The following TMCC3 variants were observed in gnomAD, a reference collection of about 807,000 sequenced individuals.
TMCC3 encodes transmembrane and coiled-coil domain family 3, also known as transmembrane and coiled-coil domain protein 3.
TMCC3 carries 28 observed loss-of-function variants against 40.2 expected under a neutral mutation model. That is an observed-to-expected ratio of 0.70 (90% confidence interval 0.52 to 0.95). TMCC3 has a LOEUF of 0.95. Among genes scored for constraint, TMCC3 ranks in the 40% least tolerant of loss-of-function variants. The pLI is 0.00. For synonymous variants in TMCC3, 255 were observed against 248.5 expected (o/e 1.03, Z -0.25); for missense variants, 554 against 615.2 (o/e 0.90, Z 1.05).
At chr12:94,595,171 A>G (rs961353368) in intron 1 of TMCC3, among the ~76,000 whole-genome samples, 29 of 152,162 alleles carry the variant, frequency 1.9e-4, no homozygotes, top group Admixed American at 2.0e-4. Context: ...ACTTTTGGAT[A>G]TTAGCACTAC....
rs1486988921 is a variant in TMCC3, at chr12:94,620,164, G to GA, written c.78+30188dup. Among the ~76,000 whole-genome samples, 20 of 147,814 alleles carry GA rather than the reference G, an allele frequency of 1.4e-4. No homozygotes were observed. The East Asian group carries it at 3.5e-3, about 26-fold the overall frequency. ...GGCAACAAAAGCGAGACTGTCTCAA[G>GA]AAAAAAAAAGAAACATAACATTATT... On this transcript the variant is annotated intron_variant, in intron 1 of 3. Transcript: ENST00000261226.
At chr12:94,581,506 CCACT>C (rs1327369917) in intron 2 of TMCC3, 112 bp downstream of exon 2, 3 of 602,984 alleles carry the variant, frequency 5.0e-6, no homozygotes, top group Non-Finnish European at 7.4e-6. Context: ...TATCACGTAC[CCACT>C]AAGTATCCGT....
chr12:94,589,799 C>T (rs78138827), intron 1 of TMCC3, among the ~76,000 whole-genome samples: 6,999 of 152,072 alleles, frequency 0.046, 192 homozygotes, highest in East Asian at 0.098. Context: ...ATGAGAAAAC[C>T]GAGACTTGTA....
chr12:94,581,584 A>G (rs552990664), intron 2 of TMCC3, 38 bp downstream of exon 2: 1 of 1,254,694 alleles, frequency 8.0e-7, no homozygotes, highest in South Asian at 3.4e-5. Flanking sequence ...TAAATAAATA[A>G]AAAATAAAAA....
rs58142780 is a variant in TMCC3, at chr12:94,596,908, C to A, written c.79-14370G>T. ...CACGAATGGTTCATGGCTTGTGACA[C>A]ATGTGAGAGGTCAAATAGGAAACTG... On this transcript the variant is annotated intron_variant, in intron 1 of 3. Transcript: ENST00000261226. Among the ~76,000 whole-genome samples, 100 of 152,150 alleles carry A rather than the reference C, an allele frequency of 6.6e-4. 2 individuals carry two copies. The East Asian group carries it at 0.015, about 23-fold the overall frequency.
rs148875827 is a variant in TMCC3, at chr12:94,634,068, T to C, written c.78+16285A>G. On this transcript the variant is annotated intron_variant, in intron 1 of 3. Transcript: ENST00000261226. ...TCAAACGATTTTCCCTAACTCAGCA[T>C]CTCAAGTAGCTGAGATTACAGGTGC... Among the ~76,000 whole-genome samples the C allele has an allele frequency of 9.6e-4, 146 of 152,004 alleles. 3 individuals carry two copies. The East Asian group carries it at 0.022, about 23-fold the overall frequency.
intron 3 of TMCC3, among the ~76,000 whole-genome samples, chr12:94,576,271 G>A (rs1221194686): frequency 6.6e-6 from 1 of 152,200 alleles, no homozygotes; most frequent in Non-Finnish European, 1.5e-5. Flanking sequence ...TCTGGGATTA[G>A]CACAGGCTCA....
At chr12:94,593,665 G>A (rs2068697572) in intron 1 of TMCC3, among the ~76,000 whole-genome samples, 1 of 151,824 alleles carries the variant, frequency 6.6e-6, no homozygotes, top group Non-Finnish European at 1.5e-5. Flanking sequence ...GCATCCTCAA[G>A]CACTCACAAA....
At chr12:94,628,381 C>T (rs546950322) in intron 1 of TMCC3, among the ~76,000 whole-genome samples, 13 of 152,216 alleles carry the variant, frequency 8.5e-5, no homozygotes, top group Non-Finnish European at 1.9e-4. Flanking sequence ...CCTGGTGAAG[C>T]TCCACCTATC....
At position 94,584,435 on chromosome 12, in the gene TMCC3, C is replaced by T. The variant is rs560379432; in HGVS notation, c.79-1897G>A. On this transcript the variant is annotated intron_variant, in intron 1 of 3. Transcript: ENST00000261226. ...GCAGAACCGTGAGCCAATTAAACTT[C>T]TTTTCTTATAAATTATCAGGATTCA... Among the ~76,000 whole-genome samples, 5 of 152,256 alleles carry T rather than the reference C, an allele frequency of 3.3e-5. No homozygotes were observed. In the South Asian group the frequency reaches 1.0e-3, roughly 32 times the overall value.
chr12:94,633,970 G>A (rs534160948), intron 1 of TMCC3, among the ~76,000 whole-genome samples: 1 of 148,606 alleles, frequency 6.7e-6, no homozygotes, highest in Admixed American at 6.7e-5. Flanking sequence ...TTTTGAGACA[G>A]AGTCTCGCTC....
At chr12:94,650,290 GC>G in intron 1 of TMCC3, 62 bp downstream of exon 1, 1 of 1,083,888 alleles carries the variant, frequency 9.2e-7, no homozygotes, top group East Asian at 3.9e-5. Flanking sequence ...CTGAGCCGCC[GC>G]CCCAGCCCGC....
At chr12:94,597,887 C>T (rs2068728356) in intron 1 of TMCC3, among the ~76,000 whole-genome samples, 1 of 152,076 alleles carries the variant, frequency 6.6e-6, no homozygotes, top group Admixed American at 6.5e-5. Context: ...TTTCTTGTCA[C>T]TTAGGAAATC....
intron 1 of TMCC3, among the ~76,000 whole-genome samples, chr12:94,618,393 C>A (rs951295769): frequency 6.6e-6 from 1 of 152,204 alleles, no homozygotes; most frequent in African/African-American, 2.4e-5. Context: ...GTTCAGTATA[C>A]CTACCTCACA....
rs1227038304 is a variant in TMCC3, at chr12:94,571,734, C to T, written c.1135G>A (p.Ala379Thr). 1.9e-6 allele frequency: 3 copies of T among 1,613,456 alleles called. No individual in the cohort carries two copies. The highest frequency in any genetic ancestry group is 2.2e-5 in the East Asian group (1 of 44,888). ...ATGCGAGTCTGGCAGGATTCCAAGG[C>T]TTCCTGTGAGCAAGAGGGAGAGCAA... ...AYERSRDIQE[A>T]LESCQTRISK... Residue 379 changes from alanine (A) to threonine (T), a missense_variant, in exon 4 of 4, where the codon GCC (alanine) becomes ACC (threonine). Physicochemically the swap from Ala to Thr is moderately conservative, Grantham distance 58. Coordinates refer to ENST00000261226, the MANE Select transcript of TMCC3 (RefSeq NM_020698.4).
At position 94,632,991 on chromosome 12, in the gene TMCC3, C is replaced by T. The variant is rs528260108; in HGVS notation, c.78+17362G>A. On this transcript the variant is annotated intron_variant, in intron 1 of 3. Coordinates refer to ENST00000261226, the MANE Select transcript of TMCC3 (RefSeq NM_020698.4). ...CATGGTGGTGCGCACCTGCAGTCCTCGTTACTTGGGAGGCTGAGGCAGGAG... is the reference window on the plus strand; with the variant it reads ...CATGGTGGTGCGCACCTGCAGTCCTTGTTACTTGGGAGGCTGAGGCAGGAG... Among the ~76,000 whole-genome samples, 4 of 151,972 alleles carry T rather than the reference C, an allele frequency of 2.6e-5. No homozygotes were observed. The South Asian group carries it at 6.2e-4, about 24-fold the overall frequency.
At chr12:94,578,587 T>A in intron 2 of TMCC3, 58 bp from the exon 3 acceptor site, 1 of 1,558,128 alleles carries the variant, frequency 6.4e-7, no homozygotes, top group Non-Finnish European at 8.7e-7. Context: ...TGTGGAACGA[T>A]GTCCTTTTTA....
chr12:94,585,500 T>A (rs1265407091), intron 1 of TMCC3, among the ~76,000 whole-genome samples: 2 of 151,982 alleles, frequency 1.3e-5, no homozygotes, highest in Non-Finnish European at 2.9e-5. Context: ...ATCGAGACCA[T>A]CCTGGCTAAT....
intron 1 of TMCC3, among the ~76,000 whole-genome samples, chr12:94,628,759 A>T (rs1220919750): frequency 6.6e-6 from 1 of 152,162 alleles, no homozygotes; most frequent in Non-Finnish European, 1.5e-5. Context: ...AGAAATGGGG[A>T]TGACAAATAA....
Sources: gnomAD v4.1 joint callset for allele counts (sites outside exome capture counted in the v4.1 genomes callset) on GRCh38, gnomAD v4.1.1 for gene constraint, MANE v1.5 for transcripts, NCBI Gene and HGNC (gene_info 2026-07-23, HGNC 2026-07-21) for gene names.